The following ATL2 variants were observed in gnomAD, a reference collection of about 807,000 sequenced individuals.
ATL2 encodes the protein atlastin GTPase 2.
ATL2 carries 31 observed loss-of-function variants against 73.9 expected under a neutral mutation model. The observed-to-expected ratio is 0.42, with a 90% CI of 0.32 to 0.57. The LOEUF (loss-of-function observed/expected upper bound fraction) is 0.57. ATL2 is among the 20% of genes least tolerant of loss of function. The pLI is 0.14. For synonymous variants in ATL2, 291 were observed against 237.5 expected (o/e 1.23, Z -2.07); for missense variants, 738 against 702.6 (o/e 1.05, Z -0.57).
upstream of ATL2, among the ~76,000 whole-genome samples, chr2:38,377,568 C>T (rs890742993): frequency 6.6e-6 from 1 of 152,136 alleles, no homozygotes; most frequent in African/African-American, 2.4e-5. Flanking sequence ...CCCCCACCTC[C>T]CTGAGCTCAG....
intron 9 of ATL2, among the ~76,000 whole-genome samples, chr2:38,302,133 G>A (rs1431999819): frequency 6.6e-6 from 1 of 152,164 alleles, no homozygotes; most frequent in African/African-American, 2.4e-5. Context: ...TCCTGGCAGG[G>A]TTCATCACGT....
intron 1 of ATL2, among the ~76,000 whole-genome samples, chr2:38,345,879 T>C (rs757952472): frequency 1.6e-4 from 25 of 152,344 alleles, no homozygotes; most frequent in Non-Finnish European, 2.1e-4. Context: ...CAAACAGGCA[T>C]AGCATTACCT....
chr2:38,367,546 C>A (rs1176738365), intron 1 of ATL2, among the ~76,000 whole-genome samples: 2 of 117,500 alleles, frequency 1.7e-5, no homozygotes, highest in Admixed American at 1.3e-4. Context: ...GCGGAGCTTG[C>A]AGTGAGCCAC....
intron 2 of ATL2, among the ~76,000 whole-genome samples, chr2:38,334,557 G>A (rs934598184): frequency 1.9e-4 from 29 of 151,456 alleles, no homozygotes; most frequent in African/African-American, 6.8e-4. Context: ...AATTAGCCGG[G>A]CGTAGTGGTG....
At chr2:38,328,788 T>C (rs1668811269) in intron 2 of ATL2, among the ~76,000 whole-genome samples, 1 of 151,830 alleles carries the variant, frequency 6.6e-6, no homozygotes, top group Non-Finnish European at 1.5e-5. Flanking sequence ...AAGAGCAATA[T>C]AAACCTAAAG....
rs140120745 is a variant in ATL2 at position 38,300,641 on chromosome 2, T to C, written c.1072-313A>G. Among the ~76,000 whole-genome samples, 500 of 152,252 alleles carry C rather than the reference T, an allele frequency of 3.3e-3. 5 individuals carry two copies. Among genetic ancestry groups the C allele is most frequent in the African/African-American group, 0.011 (477 of 41,550 alleles). The stretch of plus-strand genomic sequence containing the variant: ...CCCTATTGCCAGTGTTTTAATATTT[T>C]TAAAAAACTTTTTTTTCTCTTTCTT... On this transcript the variant is annotated intron_variant, in intron 9 of 12. Transcript: ENST00000378954.
In ATL2 at chr2:38,298,309, T is replaced by G. The variant is rs1468118810; in HGVS notation, c.1467A>C (p.Ser489=). The change falls in exon 12 of 13, where the codon TCA becomes TCC. Residue 489 remains serine (S), a synonymous_variant. Coordinates refer to ENST00000378954, the MANE Select transcript of ATL2 (RefSeq NM_001135673.4). The part of the protein sequence containing the change: ...FAVMFAMYII[S]GLTGFIGLNS... ...TTAGGCCAATGAAGCCAGTCAGTCC[T>G]GAGATTATATACATAGCAAACATGA... 3 of 1,614,064 alleles carry G rather than the reference T, an allele frequency of 1.9e-6. No individual in the cohort carries two copies. The highest frequency in any genetic ancestry group is 2.7e-5 in the African/African-American group (2 of 74,928).
At chr2:38,313,760 T>C (rs2148427305) in intron 6 of ATL2, among the ~76,000 whole-genome samples, 1 of 152,288 alleles carries the variant, frequency 6.6e-6, no homozygotes. Context: ...TCCTGTGTAT[T>C]GTAGAACGTT....
At chr2:38,337,811 A>G (rs191464883) in intron 2 of ATL2, among the ~76,000 whole-genome samples, 1 of 152,256 alleles carries the variant, frequency 6.6e-6, no homozygotes, top group East Asian at 1.9e-4. Context: ...AAAATTCTTC[A>G]TAATAAAGTT....
intron 2 of ATL2, among the ~76,000 whole-genome samples, chr2:38,324,730 T>C (rs552245460): frequency 6.6e-6 from 1 of 152,342 alleles, no homozygotes; most frequent in South Asian, 2.1e-4. Context: ...TAAAAGGTTC[T>C]GCTCAAAAGG....
At chr2:38,375,459 A>C (rs984442058) in intron 1 of ATL2, among the ~76,000 whole-genome samples, 1 of 152,206 alleles carries the variant, frequency 6.6e-6, no homozygotes, top group African/African-American at 2.4e-5. Flanking sequence ...GCATTTATTA[A>C]ATAATAAATG....
At chr2:38,319,200 AT>A (rs1316286073) in intron 2 of ATL2, among the ~76,000 whole-genome samples, 181 bp from the exon 3 acceptor site, 1 of 152,236 alleles carries the variant, frequency 6.6e-6, no homozygotes, top group Non-Finnish European at 1.5e-5. Flanking sequence ...TCTTTTTCTT[AT>A]AGAGACGTGG....
intron 1 of ATL2, among the ~76,000 whole-genome samples, chr2:38,366,857 T>C (rs534827855): frequency 6.6e-6 from 1 of 152,278 alleles, no homozygotes; most frequent in East Asian, 1.9e-4. Flanking sequence ...TTTGTCTAAG[T>C]ATGGTCCTCT....
chr2:38,333,696 C>T (rs1167629421), intron 2 of ATL2, among the ~76,000 whole-genome samples: 1 of 152,056 alleles, frequency 6.6e-6, no homozygotes, highest in African/African-American at 2.4e-5. Flanking sequence ...GCAAAAGAGG[C>T]AATACATACA....
In ATL2 at chr2:38,295,875, C is replaced by T. The variant is rs982888702; in HGVS notation, c.*119G>A. 14 of 813,756 alleles carry T rather than the reference C, an allele frequency of 1.7e-5. No individual in the cohort carries two copies. The highest frequency in any genetic ancestry group is 2.2e-5 in the Non-Finnish European group (12 of 536,278). The allele number at this position is 813,756 out of a possible 1,614,324, so 50.4% of individuals were successfully genotyped here. A position where few individuals can be genotyped will look rare whatever the true frequency, so the allele number is the denominator to read the frequency against. ...CACTCTGTGGCAGCCATCTGTGAAG[C>T]CAGTTACACTAAACTACTTCTACAG... On this transcript the variant is annotated 3_prime_UTR_variant, in exon 13 of 13. Coordinates refer to ENST00000378954, the MANE Select transcript of ATL2 (RefSeq NM_001135673.4).
intron 1 of ATL2, chr2:38,359,636 G>A (rs1478874426): frequency 6.6e-6 from 1 of 152,026 alleles, no homozygotes; most frequent in Admixed American, 6.5e-5. Context: ...TACCACTGAT[G>A]TCACAGAATT....
At chr2:38,375,117 C>A (rs1671889762) in intron 1 of ATL2, among the ~76,000 whole-genome samples, 1 of 152,174 alleles carries the variant, frequency 6.6e-6, no homozygotes, top group Admixed American at 6.5e-5. Context: ...AAAGAATAAA[C>A]ACAAAGCCTC....
chr2:38,363,564 T>C (rs910679406), intron 1 of ATL2, among the ~76,000 whole-genome samples: 1 of 152,166 alleles, frequency 6.6e-6, no homozygotes, highest in African/African-American at 2.4e-5. Flanking sequence ...AAATATAAGA[T>C]GCAATAAAAG....
chr2:38,315,212 C>T (rs1667964393), intron 5 of ATL2, 72 bp downstream of exon 5: 2 of 1,337,456 alleles, frequency 1.5e-6, no homozygotes, highest in Non-Finnish European at 1.9e-6. Flanking sequence ...GATTGTGCCA[C>T]CGTACTCTAG....
Sources: gnomAD v4.1 joint callset for allele counts (sites outside exome capture counted in the v4.1 genomes callset) on GRCh38, gnomAD v4.1.1 for gene constraint, MANE v1.5 for transcripts, NCBI Gene and HGNC (gene_info 2026-07-23, HGNC 2026-07-21) for gene names.